Variants in EXOC2 observed in about 807,000 individuals in gnomAD.
The protein encoded by EXOC2 is SEC5-like 1.
A neutral mutation model predicts 131.8 loss-of-function variants in EXOC2; 70 were observed. The ratio of observed to expected loss-of-function variants is 0.53; its 90% CI spans 0.44 to 0.65. The LOEUF is 0.65. Among genes scored for constraint, EXOC2 ranks in the 30% least tolerant of loss-of-function variants. The pLI is 0.00. For synonymous variants in EXOC2, 411 were observed against 398.4 expected (o/e 1.03, Z -0.38); for missense variants, 923 against 1,108.6 (o/e 0.83, Z 2.38).
chr6:590,911 T>C (rs1759504769), intron 11 of EXOC2, among the ~76,000 whole-genome samples: 1 of 152,192 alleles, frequency 6.6e-6, no homozygotes, highest in African/African-American at 2.4e-5. Flanking sequence ...TCTACTTACA[T>C]GTCAGACAAC....
intron 10 of EXOC2, among the ~76,000 whole-genome samples, 183 bp downstream of exon 10, chr6:597,838 C>T (rs1410975201): frequency 6.6e-6 from 1 of 152,194 alleles, no homozygotes; most frequent in South Asian, 2.1e-4. Flanking sequence ...ACTCCCAAAT[C>T]TATTAGTATT....
chr6:636,538 G>A (rs1048791013), intron 2 of EXOC2, among the ~76,000 whole-genome samples: 4 of 152,162 alleles, frequency 2.6e-5, no homozygotes, highest in African/African-American at 7.2e-5. Flanking sequence ...CTGAGCTCCC[G>A]TTCACTTTTT....
intron 1 of EXOC2, among the ~76,000 whole-genome samples, chr6:660,462 G>A (rs1175233297): frequency 6.6e-6 from 1 of 152,132 alleles, no homozygotes; most frequent in Admixed American, 6.5e-5. Flanking sequence ...GACCATAGAT[G>A]GTTCACATCA....
intron 27 of EXOC2, among the ~76,000 whole-genome samples, chr6:488,420 G>A (rs1385188078): frequency 6.6e-6 from 1 of 152,156 alleles, no homozygotes; most frequent in Non-Finnish European, 1.5e-5. Flanking sequence ...TCCGTTTCCT[G>A]TTCTATGAGT....
At chr6:532,746 T>A in intron 22 of EXOC2, 136 bp from the exon 23 acceptor site, 1 of 805,854 alleles carries the variant, frequency 1.2e-6, no homozygotes, top group Non-Finnish European at 1.8e-6. Context: ...GACTTTTATA[T>A]ATTTTCAGTA....
chr6:656,864 C>T (rs757420125), intron 1 of EXOC2: 2 of 1,608,312 alleles, frequency 1.2e-6, no homozygotes, highest in African/African-American at 1.3e-5. Context: ...CGCAGACCTT[C>T]GCTAGCCTCG....
At chr6:656,930 G>C (rs138504161) in intron 1 of EXOC2, 1 of 1,525,480 alleles carries the variant, frequency 6.6e-7, no homozygotes, top group African/African-American at 1.4e-5. Context: ...CGGTGATCTT[G>C]GCGCGAAACT....
At chr6:487,533 A>C (rs902658734) in intron 27 of EXOC2, among the ~76,000 whole-genome samples, 4 of 152,048 alleles carry the variant, frequency 2.6e-5, no homozygotes, top group Non-Finnish European at 5.9e-5. Context: ...CAGCCTCCTG[A>C]GTAGCTGAAA....
At chr6:646,904 A>G (rs1045730036) in intron 1 of EXOC2, among the ~76,000 whole-genome samples, 2 of 152,250 alleles carry the variant, frequency 1.3e-5, no homozygotes, top group Non-Finnish European at 2.9e-5. Flanking sequence ...CAGCAAAGGC[A>G]TATTTCAACA....
rs1761666758 is a variant in EXOC2, at chr6:628,038, A to G, written c.422+1797T>C. On this transcript the variant is annotated intron_variant, in intron 4 of 27. Coordinates refer to ENST00000230449, the MANE Select transcript of EXOC2 (RefSeq NM_018303.6). ...CAGAACAATGAATAGTATATATCCA[A>G]GAAGAGCAAAGAATCCTGTAAGGAT... 2.0e-5 allele frequency among the ~76,000 whole-genome samples: 3 copies of G among 152,240 alleles called. No homozygotes were observed. The South Asian group carries it at 6.2e-4, about 32-fold the overall frequency.
intron 1 of EXOC2, among the ~76,000 whole-genome samples, chr6:651,814 T>C (rs2127739308): frequency 1.3e-5 from 2 of 151,924 alleles, no homozygotes; most frequent in Middle Eastern, 6.8e-3. Context: ...CCCCAGCACT[T>C]TGGGAGGCCG....
intron 1 of EXOC2, among the ~76,000 whole-genome samples, chr6:642,562 A>C (rs1762402777): frequency 6.6e-6 from 1 of 152,234 alleles, no homozygotes. Context: ...AATGGACCCC[A>C]AGATGAACCA....
chr6:566,406 C>T (rs1414536175), intron 13 of EXOC2, among the ~76,000 whole-genome samples: 1 of 152,190 alleles, frequency 6.6e-6, no homozygotes, highest in Non-Finnish European at 1.5e-5. Context: ...CAGGTGAGCC[C>T]AGGTGGCTGA....
At chr6:499,591 T>G in intron 24 of EXOC2, 54 bp downstream of exon 24, 1 of 1,459,392 alleles carries the variant, frequency 6.9e-7, no homozygotes, top group Non-Finnish European at 9.5e-7. Flanking sequence ...ACATCTTTCT[T>G]TTTTCTTTTT....
At position 538,017 on chromosome 6, in the gene EXOC2, C is replaced by T. The variant is rs560912638; in HGVS notation, c.2239-5407G>A. 3.9e-5 allele frequency among the ~76,000 whole-genome samples: 6 copies of T among 152,074 alleles called. No individual in the cohort carries two copies. The East Asian group carries it at 1.2e-3, about 29-fold the overall frequency. ...ATGTAAAAAGCCATCAATCCATAAGCTTAAGATTTGTGTCTTTTACTGTAG... is the reference window on the plus strand; with the variant it reads ...ATGTAAAAAGCCATCAATCCATAAGTTTAAGATTTGTGTCTTTTACTGTAG... On this transcript the variant is annotated intron_variant, in intron 22 of 27. Coordinates refer to ENST00000230449, the MANE Select transcript of EXOC2 (RefSeq NM_018303.6).
intron 21 of EXOC2, among the ~76,000 whole-genome samples, chr6:553,273 T>C (rs886562721): frequency 2.6e-5 from 4 of 152,194 alleles, no homozygotes; most frequent in African/African-American, 9.7e-5. Flanking sequence ...GATGAATTTA[T>C]ACACATGATA....
At chr6:640,182 C>T (rs957365237) in intron 1 of EXOC2, among the ~76,000 whole-genome samples, 4 of 152,126 alleles carry the variant, frequency 2.6e-5, no homozygotes, top group African/African-American at 9.7e-5. Context: ...AAACTGAAGG[C>T]AAATGTGTTC....
chr6:590,534 C>A (rs1457383537), intron 11 of EXOC2, among the ~76,000 whole-genome samples: 1 of 152,198 alleles, frequency 6.6e-6, no homozygotes, highest in East Asian at 1.9e-4. Flanking sequence ...CTCCCAGGGA[C>A]CTGATGAGGG....
intron 6 of EXOC2, among the ~76,000 whole-genome samples, chr6:614,775 T>C (rs1048211681): frequency 6.6e-6 from 1 of 152,272 alleles, no homozygotes; most frequent in African/African-American, 2.4e-5. Flanking sequence ...GCATTGATAC[T>C]ATATCAAATA....
Sources: allele counts gnomAD v4.1 joint callset (sites outside exome capture counted in the v4.1 genomes callset), GRCh38; gene constraint gnomAD v4.1.1; transcripts MANE v1.5; gene names NCBI Gene and HGNC (gene_info 2026-07-23, HGNC 2026-07-21).